GFOD2: variants seen among roughly 807,000 people sequenced by gnomAD.
GFOD2 encodes Gfo/Idh/MocA-like oxidoreductase domain containing 2.
In GFOD2, 9 loss-of-function variants were observed where a neutral mutation model predicts 24.6. The ratio of observed to expected loss-of-function variants is 0.37; its 90% CI spans 0.22 to 0.64. The LOEUF is 0.64. GFOD2 is among the 30% of genes least tolerant of loss of function. The pLI, the probability that GFOD2 is intolerant of heterozygous loss-of-function variation, is 0.65. For synonymous variants in GFOD2, 211 were observed against 224.8 expected (o/e 0.94, Z 0.55); for missense variants, 476 against 532.5 (o/e 0.89, Z 1.04).
chr16:67,688,248 A>G (rs1364053909), intron 1 of GFOD2, among the ~76,000 whole-genome samples: 1 of 152,236 alleles, frequency 6.6e-6, no homozygotes, highest in African/African-American at 2.4e-5. Flanking sequence ...ATGAGTATAT[A>G]TATAAGGATA....
At chr16:67,686,292 A>G (rs1338106230) in intron 1 of GFOD2, among the ~76,000 whole-genome samples, 1 of 152,092 alleles carries the variant, frequency 6.6e-6, no homozygotes, top group East Asian at 1.9e-4. Context: ...TCAAAAGAAA[A>G]AAGAAATACT....
intron 2 of GFOD2, among the ~76,000 whole-genome samples, chr16:67,678,602 GA>G (rs2053201431): frequency 6.6e-6 from 1 of 152,150 alleles, no homozygotes; most frequent in African/African-American, 2.4e-5. Flanking sequence ...TTTGGAGCCA[GA>G]AATTCCTGTG....
In GFOD2 at chr16:67,675,370, G is replaced by T. The variant is rs552557039; in HGVS notation, c.943C>A (p.Arg315Ser). ...KGMVYMVQAL[R>S]QSFQGQGDRR... is the part of the protein sequence containing the mutation. ...TCGCCCTGCCCCTGGAAGGACTGGC[G>T]CAAGGCCTGCACCATGTAGACCATG... Residue 315 changes from arginine (R) to serine (S), a missense_variant, in exon 3 of 3, where the codon CGC becomes AGC. Transcript: ENST00000268797. 6.2e-7 allele frequency: 1 copy of T among 1,613,212 alleles called. No individual in the cohort carries two copies. Among genetic ancestry groups the T allele is most frequent in the Non-Finnish European group, 8.5e-7 (1 of 1,179,954 alleles).
chr16:67,705,600 T>C (rs2142996969), intron 1 of GFOD2, among the ~76,000 whole-genome samples: 1 of 152,300 alleles, frequency 6.6e-6, no homozygotes, highest in African/African-American at 2.4e-5. Flanking sequence ...CAGAAATTTA[T>C]AGATGAATGG....
intron 2 of GFOD2, chr16:67,680,519 G>C (rs759757517): frequency 6.4e-6 from 1 of 156,418 alleles, no homozygotes; most frequent in Non-Finnish European, 1.4e-5. Context: ...TACTGACCAA[G>C]CCCACAGGAG....
chr16:67,701,036 CAA>C (rs1196263484), intron 1 of GFOD2, among the ~76,000 whole-genome samples: 20 of 68,442 alleles, frequency 2.9e-4, no homozygotes, highest in Admixed American at 5.0e-4. Flanking sequence ...GACTCTGTCT[CAA>C]AAAAAAAAAA....
At chr16:67,687,653 A>G (rs2142994241) in intron 1 of GFOD2, among the ~76,000 whole-genome samples, 1 of 150,702 alleles carries the variant, frequency 6.6e-6, no homozygotes, top group East Asian at 1.9e-4. Context: ...AAAAAAAAAA[A>G]AAAAAGAAAA....
chr16:67,682,723 T>C (rs2053236997), intron 2 of GFOD2: 1 of 985,206 alleles, frequency 1.0e-6, no homozygotes, highest in Non-Finnish European at 1.2e-6. Flanking sequence ...CTCGTGGCCT[T>C]AGAAGTAAGG....
intron 1 of GFOD2, among the ~76,000 whole-genome samples, chr16:67,716,441 T>C (rs544255703): frequency 6.6e-6 from 1 of 152,318 alleles, no homozygotes; most frequent in African/African-American, 2.4e-5. Context: ...ACAAGTGTTT[T>C]TCTGATTGGA....
At chr16:67,696,438 A>G (rs2053359870) in intron 1 of GFOD2, among the ~76,000 whole-genome samples, 1 of 152,014 alleles carries the variant, frequency 6.6e-6, no homozygotes, top group African/African-American at 2.4e-5. Context: ...TGAAAAATAT[A>G]TATAAGTATC....
At chr16:67,692,802 G>A (rs888365874) in intron 1 of GFOD2, among the ~76,000 whole-genome samples, 6 of 151,186 alleles carry the variant, frequency 4.0e-5, no homozygotes, top group African/African-American at 1.2e-4. Flanking sequence ...TGAGGAGGGC[G>A]AATCACGAGG....
intron 1 of GFOD2, among the ~76,000 whole-genome samples, chr16:67,711,752 G>C (rs2053475307): frequency 6.6e-6 from 1 of 152,136 alleles, no homozygotes; most frequent in African/African-American, 2.4e-5. Context: ...AAATGCTCAA[G>C]TTAAAACCTT....
rs757401180 is a variant in GFOD2 at position 67,676,064 on chromosome 16, G to A, written c.260-11C>T. 1.3e-6 allele frequency: 2 copies of A among 1,580,004 alleles called. No individual in the cohort carries two copies. Among genetic ancestry groups the A allele is most frequent in the Admixed American group, 1.8e-5 (1 of 55,800 alleles). On this transcript the variant is annotated splice_polypyrimidine_tract_variant and intron_variant, in intron 2 of 2. Coordinates refer to ENST00000268797, the MANE Select transcript of GFOD2 (RefSeq NM_030819.4). ...CATTCTTCCCAATACCTAACAACAG[G>A]ACACAACAGGAAATCTCAAAGTTTC...
intron 1 of GFOD2, among the ~76,000 whole-genome samples, chr16:67,698,559 A>G (rs976231375): frequency 1.3e-5 from 2 of 151,992 alleles, no homozygotes; most frequent in African/African-American, 4.8e-5. Context: ...GGCTCATTGC[A>G]ACCTCTGCTT....
intron 1 of GFOD2, among the ~76,000 whole-genome samples, chr16:67,687,492 T>A (rs1187759804): frequency 6.6e-6 from 1 of 151,126 alleles, no homozygotes; most frequent in African/African-American, 2.4e-5. Flanking sequence ...ATACAAAAAA[T>A]TAGCCAGTTG....
At chr16:67,689,929 G>A (rs2053298542) in intron 1 of GFOD2, among the ~76,000 whole-genome samples, 1 of 152,078 alleles carries the variant, frequency 6.6e-6, no homozygotes, top group South Asian at 2.1e-4. Context: ...GTGAAATCAT[G>A]CGTTATTTGT....
rs1237625129 is a variant in GFOD2, at chr16:67,675,033, G to A, written c.*122C>T. ...GGGGCGAAGTCCCAGAGCCACCTCT[G>A]GCTTCACCCAGACTCATTAAATGAA... On this transcript the variant is annotated 3_prime_UTR_variant, in exon 3 of 3. Transcript: ENST00000268797. 6 of 1,148,438 alleles carry A rather than the reference G, an allele frequency of 5.2e-6. No individual in the cohort carries two copies. The highest frequency in any genetic ancestry group is 7.4e-6 in the Non-Finnish European group (6 of 811,448). 71.1% of individuals were successfully genotyped at this position (1,148,438 alleles called of 1,614,324 possible). A position where few individuals can be genotyped will look rare whatever the true frequency, so the allele number is the denominator to read the frequency against.
Position 67,719,309 on chromosome 16 carries a change from T to C in GFOD2, c.-234A>G, listed in dbSNP as rs2053528393. The C allele has an allele frequency of 1.3e-5, 2 of 151,990 alleles. No homozygotes were observed. The highest frequency in any genetic ancestry group is 3.4e-3 in the Middle Eastern group (1 of 296). 9.4% of individuals were successfully genotyped at this position (151,990 alleles called of 1,614,324 possible). A position where few individuals can be genotyped will look rare whatever the true frequency, so the allele number is the denominator to read the frequency against. ...GCGCCGCCACCGGGAACGCGCCGCC[T>C]GGTTTCTAAGGAACTGGGGGCTCTG... On this transcript the variant is annotated 5_prime_UTR_variant, in exon 1 of 3. Transcript: ENST00000268797.
intron 1 of GFOD2, among the ~76,000 whole-genome samples, chr16:67,689,142 C>T (rs182069371): frequency 2.6e-5 from 4 of 151,512 alleles, no homozygotes; most frequent in Middle Eastern, 3.4e-3. Context: ...TGGTTTCGAG[C>T]GATTCTCCTG....
Sources: gnomAD v4.1 joint callset for allele counts (sites outside exome capture counted in the v4.1 genomes callset) on GRCh38, gnomAD v4.1.1 for gene constraint, MANE v1.5 for transcripts, NCBI Gene and HGNC (gene_info 2026-07-23, HGNC 2026-07-21) for gene names.